MYBL2: variants seen among roughly 807,000 people sequenced by gnomAD.
The protein encoded by MYBL2 is MYB proto-oncogene like 2, also known as myb-related protein B.
Under a neutral mutation model 79.9 loss-of-function variants are expected in MYBL2, and 28 were observed. The observed-to-expected ratio is 0.35, with a 90% confidence interval of 0.26 to 0.48. The LOEUF (loss-of-function observed/expected upper bound fraction) is 0.48, where lower values mean the gene tolerates loss of function less well. Ranked by LOEUF, MYBL2 falls within the 20% of genes least tolerant of loss-of-function variation. MYBL2 has a pLI of 0.99. For missense variants in MYBL2, 735 were observed against 893.9 expected, an observed-to-expected ratio of 0.82 and a Z score of 2.27; for synonymous variants, 378 against 361.2, an observed-to-expected ratio of 1.05 and a Z score of -0.53.
At chr20:43,667,373 C>A in intron 1 of MYBL2, 70 bp downstream of exon 1, 2 of 1,087,160 alleles carry the variant, frequency 1.8e-6, no homozygotes, top group South Asian at 4.6e-5. Context: ...CCCAGATACC[C>A]CCGACCCTCC....
intron 4 of MYBL2, among the ~76,000 whole-genome samples, chr20:43,683,616 C>A (rs1449105277): frequency 1.4e-5 from 2 of 146,522 alleles, no homozygotes; most frequent in African/African-American, 5.1e-5. Context: ...TGCAGTGGCG[C>A]GATCTCAGCT....
intron 9 of MYBL2, among the ~76,000 whole-genome samples, chr20:43,708,510 T>C (rs1987838482): frequency 6.6e-6 from 1 of 152,124 alleles, no homozygotes; most frequent in South Asian, 2.1e-4. Flanking sequence ...CATGGCTCAC[T>C]GCAGCCTTGA....
chr20:43,687,695 C>G (rs1252755209), intron 5 of MYBL2, among the ~76,000 whole-genome samples: 1 of 151,944 alleles, frequency 6.6e-6, no homozygotes, highest in Non-Finnish European at 1.5e-5. Flanking sequence ...CCCTATTGCT[C>G]CAATAATGTA....
chr20:43,688,166 C>CT (rs1156343533), intron 5 of MYBL2, among the ~76,000 whole-genome samples: 1 of 151,576 alleles, frequency 6.6e-6, no homozygotes, highest in Admixed American at 6.6e-5. Flanking sequence ...TTTCTAAGGG[C>CT]TCCTCCCTTT....
Position 43,683,550 on chromosome 20 carries a change from C to CCTTTTTTTTTTTTTTTTTTTTTT in MYBL2, c.279+664_279+665insCTTTTTTTTTTTTTTTTTTTTTT, listed in dbSNP as rs764273305. Among the ~76,000 whole-genome samples, 2 of 126,446 alleles carry CCTTTTTTTTTTTTTTTTTTTTTT rather than the reference C, an allele frequency of 1.6e-5. 1 individual carries two copies. Among genetic ancestry groups the CCTTTTTTTTTTTTTTTTTTTTTT allele is most frequent in the Non-Finnish European group, 3.3e-5 (2 of 59,780 alleles). 83.0% of individuals were successfully genotyped at this position (126,446 alleles called of 152,430 possible). On this transcript the variant is annotated intron_variant, in intron 4 of 13. Coordinates refer to ENST00000217026, the MANE Select transcript of MYBL2 (RefSeq NM_002466.4). Reference sequence around the variant, plus strand: ...AAAGAGGGAGATGAAGGGAACTAGGCATTTTTTTTTTTTTTTTTTTTGAGA... The same window carrying CCTTTTTTTTTTTTTTTTTTTTTT: ...AAAGAGGGAGATGAAGGGAACTAGGCCTTTTTTTTTTTTTTTTTTTTTTATTTTTTTTTTTTTTTTTTTTGAGA...
intron 2 of MYBL2, among the ~76,000 whole-genome samples, chr20:43,674,112 C>G (rs900501492): frequency 6.6e-6 from 1 of 151,670 alleles, no homozygotes. Flanking sequence ...GGATGTGTGT[C>G]CTAGACCTCA....
intron 4 of MYBL2, among the ~76,000 whole-genome samples, chr20:43,684,038 C>T (rs575774863): frequency 1.8e-3 from 276 of 152,078 alleles, no homozygotes; most frequent in Non-Finnish European, 3.0e-3. Context: ...AAGCAATCCT[C>T]CCACCTCAGC....
chr20:43,715,390 A>G, intron 13 of MYBL2, 107 bp downstream of exon 13: 2 of 1,544,108 alleles, frequency 1.3e-6, no homozygotes, highest in Non-Finnish European at 1.8e-6. Flanking sequence ...TTCTTAGCTC[A>G]GGGCCTTTGC....
chr20:43,716,194 C>T lies in MYBL2; in HGVS notation c.*107C>T, dbSNP rs1059311. The stretch of plus-strand genomic sequence containing the variant: ...CAGGTGACCTCCTGCAGGGAGCCTT[C>T]TGCCACCAGCCCCTCCCCAGACTCT... On this transcript the variant is annotated 3_prime_UTR_variant, in exon 14 of 14. Transcript: ENST00000217026. The T allele has an allele frequency of 5.2e-6, 8 of 1,540,690 alleles. No homozygotes were observed. Among genetic ancestry groups the T allele is most frequent in the African/African-American group, 2.8e-5 (2 of 72,340 alleles).
In MYBL2 at chr20:43,713,112, G is replaced by A. The variant is rs774317398; in HGVS notation, c.1824+6G>A. On this transcript the variant is annotated splice_donor_region_variant and intron_variant, in intron 12 of 13. Transcript: ENST00000217026. Reference sequence around the variant, plus strand: ...TGCCCAAGTCTCTATCCTTGGTAAGGCTTCTGCTCCTTGGAACTGTTGAGT... The same window carrying A: ...TGCCCAAGTCTCTATCCTTGGTAAGACTTCTGCTCCTTGGAACTGTTGAGT... 3 of 1,608,326 alleles carry A rather than the reference G, an allele frequency of 1.9e-6. No homozygotes were observed. The highest frequency in any genetic ancestry group is 1.7e-5 in the Admixed American group (1 of 59,474).
intron 1 of MYBL2, among the ~76,000 whole-genome samples, chr20:43,668,896 ACT>A (rs1986788908): frequency 1.3e-5 from 2 of 150,748 alleles, no homozygotes; most frequent in Admixed American, 6.6e-5. Context: ...AGACAGAGCC[ACT>A]CTGTGTTGCC....
rs1317286925 is a variant in MYBL2, at chr20:43,702,685, C to T, written c.1147C>T (p.Arg383Trp). The T allele has an allele frequency of 5.6e-6, 9 of 1,613,608 alleles. No individual in the cohort carries two copies. Among genetic ancestry groups the T allele is most frequent in the African/African-American group, 1.3e-5 (1 of 74,926 alleles). The change falls in exon 8 of 14, where the codon CGG becomes TGG. Residue 383 changes from arginine (R) to tryptophan (W), a missense_variant. Arg to Trp is a moderately radical substitution (Grantham distance 101). Transcript: ENST00000217026. The stretch of plus-strand genomic sequence containing the variant: ...TGGCCACACCATCTCAGACCTGAGC[C>T]GGAGCAGCCGGGGCGAGCTGATCCC... ...LDGHTISDLS[R>W]SSRGELIPIS... is the part of the protein sequence containing the mutation.
At chr20:43,709,398 G>A (rs562247289) in intron 9 of MYBL2, among the ~76,000 whole-genome samples, 10 of 152,382 alleles carry the variant, frequency 6.6e-5, no homozygotes, top group Non-Finnish European at 2.9e-5. Flanking sequence ...ATCACCCATG[G>A]TGGGTCTACA....
intron 2 of MYBL2, among the ~76,000 whole-genome samples, chr20:43,676,614 G>A (rs189768271): frequency 1.6e-4 from 25 of 152,294 alleles, no homozygotes; most frequent in African/African-American, 4.6e-4. Flanking sequence ...CGTGTATAGC[G>A]CTACCTTGAA....
intron 13 of MYBL2, among the ~76,000 whole-genome samples, chr20:43,715,517 C>T (rs1988011877): frequency 6.6e-6 from 1 of 152,222 alleles, no homozygotes; most frequent in Admixed American, 6.5e-5. Flanking sequence ...CCTTCTCTGA[C>T]CCTACATTCT....
chr20:43,672,481 C>G (rs1170010630), intron 1 of MYBL2, among the ~76,000 whole-genome samples: 5 of 151,672 alleles, frequency 3.3e-5, no homozygotes, highest in Non-Finnish European at 7.4e-5. Context: ...CACAGTGGCT[C>G]AGGCCCGTAA....
In MYBL2 at chr20:43,686,983, C is replaced by T. The variant is rs147277142; in HGVS notation, c.411C>T (p.Cys137=). ...NHLNPEVKKS[C]WTEEEDRIIC... ...TCAACCCTGAGGTGAAGAAGTCTTG[C>T]TGGACCGAGGAGGAGGACCGCATCA... The change falls in exon 5 of 14, where the codon TGC becomes TGT. Residue 137 remains cysteine, a synonymous_variant. Coordinates refer to ENST00000217026, the MANE Select transcript of MYBL2 (RefSeq NM_002466.4). 8.1e-6 allele frequency: 13 copies of T among 1,614,174 alleles called. No homozygotes were observed. Among genetic ancestry groups the T allele is most frequent in the South Asian group, 1.1e-5 (1 of 91,076 alleles).
chr20:43,673,494 G>A lies in MYBL2; in HGVS notation c.21-312G>A, dbSNP rs190264281. Among the ~76,000 whole-genome samples, 4 of 151,702 alleles carry A rather than the reference G, an allele frequency of 2.6e-5. No homozygotes were observed. In the South Asian group the frequency reaches 8.3e-4, roughly 32 times the overall value. On this transcript the variant is annotated intron_variant, in intron 1 of 13. Coordinates refer to ENST00000217026, the MANE Select transcript of MYBL2 (RefSeq NM_002466.4). The stretch of plus-strand genomic sequence containing the variant: ...TCTACAAAAAATACAAAAGTTAGCC[G>A]GGCGTGGTGGCATACCCCTGTAGTC...
chr20:43,716,367 C>T lies in MYBL2; in HGVS notation c.*280C>T, dbSNP rs556582126. ...GCTCCGTCAGCTTCTCCCAAGCCCA[C>T]GTCAGGCCTGGCCTCATCTCAGACC... On this transcript the variant is annotated 3_prime_UTR_variant, in exon 14 of 14. Transcript: ENST00000217026. 49 of 477,550 alleles carry T rather than the reference C, an allele frequency of 1.0e-4. No individual in the cohort carries two copies. The highest frequency in any genetic ancestry group is 4.6e-4 in the African/African-American group (23 of 49,782). 29.6% of individuals were successfully genotyped at this position (477,550 alleles called of 1,614,324 possible).
Sources: allele counts gnomAD v4.1 joint callset (sites outside exome capture counted in the v4.1 genomes callset), GRCh38; gene constraint gnomAD v4.1.1; transcripts MANE v1.5; gene names NCBI Gene and HGNC (gene_info 2026-07-23, HGNC 2026-07-21).